ENTPD2: variants seen among roughly 807,000 people sequenced by gnomAD.
ENTPD2 encodes the protein ectonucleoside triphosphate diphosphohydrolase 2, also known as CD39 antigen-like 1.
A neutral mutation model predicts 46.8 loss-of-function variants in ENTPD2; 48 were observed. That is an observed-to-expected ratio of 1.03 (90% CI 0.81 to 1.30). The LOEUF is 1.30. Among genes scored for constraint, ENTPD2 ranks in the 50% most tolerant of loss-of-function variants. ENTPD2 has a pLI of 0.00. For missense variants in ENTPD2, 707 were observed against 651.1 expected (o/e 1.09, Z -0.93); for synonymous variants, 316 against 286.1 (o/e 1.10, Z -1.06).
intron 6 of ENTPD2, 97 bp from the exon 7 acceptor site, chr9:137,050,086 C>A: frequency 6.5e-7 from 1 of 1,543,400 alleles, no homozygotes; most frequent in Non-Finnish European, 8.7e-7. Flanking sequence ...TCCCAGCCAC[C>A]CGCCTGCCCT....
At chr9:137,051,458 G>C in intron 3 of ENTPD2, 52 bp downstream of exon 3, 1 of 1,550,726 alleles carries the variant, frequency 6.4e-7, no homozygotes, top group Non-Finnish European at 8.7e-7. Context: ...CCTGCAAGGG[G>C]TCACAGCCAA....
intron 5 of ENTPD2, 35 bp from the exon 6 acceptor site, chr9:137,050,573 C>T (rs370968571): frequency 1.7e-5 from 27 of 1,601,464 alleles, no homozygotes; most frequent in Non-Finnish European, 2.2e-5. Context: ...GGTGGCACCA[C>T]CACCGCTCCA....
rs150531792 is a variant in ENTPD2 at position 137,051,370 on chromosome 9, G to A, written c.387C>T (p.Asn129=). The change falls in exon 4 of 9, where the codon AAC becomes AAT. Residue 129 remains asparagine, a splice_region_variant and synonymous_variant. Coordinates refer to ENST00000355097, the MANE Select transcript of ENTPD2 (RefSeq NM_203468.3). ...LGATAGMRLL[N]LTNPEASTSV... ...TGGTCGAGGCCTCTGGATTGGTCAG[G>A]CTGCAAAACACAGAGAACTCCAAGA... 2.1e-4 allele frequency: 321 copies of A among 1,549,674 alleles called. 3 individuals are homozygous for A. The highest frequency in any genetic ancestry group is 1.9e-3 in the South Asian group (152 of 81,216).
In ENTPD2 at chr9:137,052,360, G is replaced by T; in HGVS notation, c.118-12C>A. 1.4e-6 allele frequency: 2 copies of T among 1,454,232 alleles called. No homozygotes were observed. Among genetic ancestry groups the T allele is most frequent in the African/African-American group, 1.4e-5 (1 of 71,498 alleles). 90.1% of individuals were successfully genotyped at this position (1,454,232 alleles called of 1,614,324 possible). A position where few individuals can be genotyped will look rare whatever the true frequency, so the allele number is the denominator to read the frequency against. ...AGGACGATGCCATACTGCGGGGGAG[G>T]GGGAGGGAGTCAGCCTGGGGTGTCC... On this transcript the variant is annotated splice_polypyrimidine_tract_variant and intron_variant, in intron 1 of 8. Coordinates refer to ENST00000355097, the MANE Select transcript of ENTPD2 (RefSeq NM_203468.3).
At position 137,049,001 on chromosome 9, in the gene ENTPD2, C is replaced by A; in HGVS notation, c.1224G>T (p.Leu408=). The change falls in exon 8 of 9, where the codon CTG becomes CTT. Residue 408 remains leucine (L), a synonymous_variant. Transcript: ENST00000355097. ...YCAGAMFVQQ[L]LSRGYGFDER... is the part of the protein sequence containing the mutation. ...CGTCGAAGCCGTAGCCGCGACTCAG[C>A]AGCTGCTGCACGAACATGGCCCCGG... is the stretch of plus-strand genomic sequence containing the variant. 6.5e-7 allele frequency: 1 copy of A among 1,537,584 alleles called. No individual in the cohort carries two copies. The highest frequency in any genetic ancestry group is 8.7e-7 in the Non-Finnish European group (1 of 1,145,300).
rs980923213 is a variant in ENTPD2 at position 137,049,753 on chromosome 9, A to G, written c.1149+117T>C. On this transcript the variant is annotated intron_variant, in intron 7 of 8. Transcript: ENST00000355097. ...CTCTGGAGTCAGCCTAATGCCTGCC[A>G]TCGCCCCCACTGCAGCGGGTGCTCC... The G allele has an allele frequency of 6.6e-6, 8 of 1,207,162 alleles. No individual in the cohort carries two copies. The African/African-American group carries it at 1.1e-4, about 16-fold the overall frequency. 74.8% of individuals were successfully genotyped at this position (1,207,162 alleles called of 1,614,324 possible).
In ENTPD2 at chr9:137,050,525, T is replaced by C. The variant is rs1832262306; in HGVS notation, c.788A>G (p.His263Arg). The C allele has an allele frequency of 6.2e-7, 1 of 1,612,172 alleles. No homozygotes were observed. The highest frequency in any genetic ancestry group is 1.7e-5 in the Admixed American group (1 of 59,972). Residue 263 changes from histidine (H) to arginine (R), a missense_variant, in exon 6 of 9, where the codon CAC becomes CGC. Coordinates refer to ENST00000355097, the MANE Select transcript of ENTPD2 (RefSeq NM_203468.3). ...LASALQTHGF[H>R]PCWPRGFSTQ... The stretch of plus-strand genomic sequence containing the variant: ...GGAAAAGCCCCTCGGCCAGCAGGGG[T>C]GGAAGCCGTGGGTCTGGGGGAATCA...
chr9:137,050,897 G>A lies in ENTPD2; in HGVS notation c.774+5C>T, dbSNP rs1832275006. ...CAGTGCAGGTGAGCCAGGGTGGAGG[G>A]GCACCTGGAGGGCGCTGGCCAGCAG... On this transcript the variant is annotated splice_donor_5th_base_variant and intron_variant, in intron 5 of 8. Coordinates refer to ENST00000355097, the MANE Select transcript of ENTPD2 (RefSeq NM_203468.3). 3.1e-6 allele frequency: 5 copies of A among 1,609,506 alleles called. No homozygotes were observed. The highest frequency in any genetic ancestry group is 2.7e-5 in the African/African-American group (2 of 74,932).
rs760772555 is a variant in ENTPD2, at chr9:137,051,052, C to T, written c.624G>A (p.Gln208=). 8 of 1,612,834 alleles carry T rather than the reference C, an allele frequency of 5.0e-6. No homozygotes were observed. In the Admixed American group the frequency reaches 1.3e-4, roughly 27 times the overall value. Reference sequence around the variant, plus strand: ...CTGGACTGGTTGTCTCAAAAGTGATCTGGGTAGAGGCACCCCCCAGGTCCA... The same window carrying T: ...CTGGACTGGTTGTCTCAAAAGTGATTTGGGTAGAGGCACCCCCCAGGTCCA... ...GAMDLGGAST[Q]ITFETTSPAE... Residue 208 remains glutamine (Q), a synonymous_variant, in exon 5 of 9, where the codon CAG becomes CAA. Transcript: ENST00000355097.
rs879376155 is a variant in ENTPD2, at chr9:137,050,887, AG to A, written c.774+14del. ...GGGAACAGTGCAGTGCAGGTGAGCC[AG>A]GGTGGAGGGGCACCTGGAGGGCGCT... On this transcript the variant is annotated intron_variant, in intron 5 of 8. Transcript: ENST00000355097. 2 of 1,608,118 alleles carry A rather than the reference AG, an allele frequency of 1.2e-6. No homozygotes were observed. The highest frequency in any genetic ancestry group is 3.3e-5 in the Admixed American group (2 of 59,908).
intron 7 of ENTPD2, 99 bp from the exon 8 acceptor site, chr9:137,049,174 A>T: frequency 6.6e-7 from 1 of 1,522,458 alleles, no homozygotes; most frequent in Non-Finnish European, 8.8e-7. Context: ...CTCCCCAGAC[A>T]CACACGGGCC....
chr9:137,050,868 A>G, intron 5 of ENTPD2, 34 bp downstream of exon 5: 1 of 1,598,286 alleles, frequency 6.3e-7, no homozygotes, highest in Non-Finnish European at 8.5e-7. Flanking sequence ...AGGAGGGAAC[A>G]GTGCAGTGCA....
At position 137,050,425 on chromosome 9, in the gene ENTPD2, A is replaced by G. The variant is rs763813336; in HGVS notation, c.888T>C (p.Ser296=). 6 of 1,612,836 alleles carry G rather than the reference A, an allele frequency of 3.7e-6. No individual in the cohort carries two copies. In the Admixed American group the frequency reaches 1.0e-4, roughly 27 times the overall value. ...TGCTCCCTGACAGGCTGACCCTGGC[A>G]CTGCTGTTGAAGTTCTGGGGCCGCT... ...MAQRPQNFNS[S]ARVSLSGSSD... The change falls in exon 6 of 9, where the codon AGT becomes AGC. Residue 296 remains serine (S), a synonymous_variant. Coordinates refer to ENST00000355097, the MANE Select transcript of ENTPD2 (RefSeq NM_203468.3).
rs769533874 is a variant in ENTPD2, at chr9:137,050,404, C to T, written c.909G>A (p.Gly303=). 65 of 1,613,038 alleles carry T rather than the reference C, an allele frequency of 4.0e-5. No individual in the cohort carries two copies. Among genetic ancestry groups the T allele is most frequent in the Middle Eastern group, 3.3e-4 (2 of 6,060 alleles). Residue 303 remains glycine, a synonymous_variant, in exon 6 of 9, where the codon GGG becomes GGA. Coordinates refer to ENST00000355097, the MANE Select transcript of ENTPD2 (RefSeq NM_203468.3). The part of the protein sequence containing the change: ...FNSSARVSLS[G]SSDPHLCRDL... ...CTCGGCAGAGGTGGGGGTCACTGCT[C>T]CCTGACAGGCTGACCCTGGCACTGC...
In ENTPD2 at chr9:137,050,440, C is replaced by CA. The variant is rs1261034881; in HGVS notation, c.872_873insT (p.Gln291HisfsTer16). 7.4e-6 allele frequency: 12 copies of CA among 1,612,810 alleles called. No individual in the cohort carries two copies. Among genetic ancestry groups the CA allele is most frequent in the Non-Finnish European group, 1.0e-5 (12 of 1,180,010 alleles). On this transcript the variant is annotated frameshift_variant, in exon 6 of 9. Coordinates refer to ENST00000355097, the MANE Select transcript of ENTPD2 (RefSeq NM_203468.3). LOFTEE classifies it high-confidence loss of function. ...TGACCCTGGCACTGCTGTTGAAGTTCTGGGGCCGCTGGGCCATGGTGCATG... is the reference window on the plus strand; with the variant it reads ...TGACCCTGGCACTGCTGTTGAAGTTCATGGGGCCGCTGGGCCATGGTGCATG...
intron 5 of ENTPD2, 139 bp from the exon 6 acceptor site, chr9:137,050,677 C>G: frequency 7.2e-7 from 1 of 1,380,574 alleles, no homozygotes; most frequent in Non-Finnish European, 9.6e-7. Context: ...GCCTGCTTGA[C>G]AGATCCCAAC....
At chr9:137,053,801 G>T in intron 1 of ENTPD2, 80 bp downstream of exon 1, 1 of 988,656 alleles carries the variant, frequency 1.0e-6, no homozygotes, top group Non-Finnish European at 1.3e-6. Context: ...ATCCTGCTCA[G>T]GTTCCCAGCC....
At chr9:137,053,786 G>T in intron 1 of ENTPD2, 95 bp downstream of exon 1, 2 of 836,522 alleles carry the variant, frequency 2.4e-6, no homozygotes, top group Non-Finnish European at 3.2e-6. Flanking sequence ...GGGGGTCCCG[G>T]GCTGATCCTG....
chr9:137,049,317 A>G, intron 7 of ENTPD2: 1 of 725,016 alleles, frequency 1.4e-6, no homozygotes, highest in South Asian at 1.5e-5. Context: ...GAGGAGGGAC[A>G]GCAGGCATGG....
Sources: gnomAD v4.1 joint callset for allele counts on GRCh38, gnomAD v4.1.1 for gene constraint, MANE v1.5 for transcripts, NCBI Gene and HGNC (gene_info 2026-07-23, HGNC 2026-07-21) for gene names.